The following RANBP2 variants were observed in gnomAD, a reference collection of about 807,000 sequenced individuals.
RANBP2 encodes RAN binding protein 2.
In RANBP2, 57 loss-of-function variants were observed where a neutral mutation model predicts 303.6. That is an observed-to-expected ratio of 0.19 (90% CI 0.15 to 0.23). The LOEUF (loss-of-function observed/expected upper bound fraction) is 0.23. Among genes scored for constraint, RANBP2 ranks in the 10% least tolerant of loss-of-function variants. The probability of loss-of-function intolerance (pLI) is 1.00; values close to 1 mark genes in which losing one functional copy is unlikely to be tolerated. For missense variants in RANBP2, 3,138 were observed against 3,780.8 expected (o/e 0.83, Z 4.46); for synonymous variants, 1,167 against 1,301.5 (o/e 0.90, Z 2.23).
the RANBP2 span, among the ~76,000 whole-genome samples, chr2:109,315,552 GGACC>G: frequency 2.0e-5 from 3 of 152,338 alleles, no homozygotes; most frequent in South Asian, 4.1e-4. Flanking sequence ...TAAGCAAAGG[GGACC>G]ATGTGTGCCT....
chr2:108,857,889 T>C, the RANBP2 span, among the ~76,000 whole-genome samples: 1 of 152,250 alleles, frequency 6.6e-6, no homozygotes, highest in Non-Finnish European at 1.5e-5. Flanking sequence ...ATGACAGAGA[T>C]GGCATCTTTC....
chr2:108,900,755 G>A, the RANBP2 span, among the ~76,000 whole-genome samples: 1 of 152,156 alleles, frequency 6.6e-6, no homozygotes, highest in Non-Finnish European at 1.5e-5. Flanking sequence ...AGAAGGCAGA[G>A]TGGCTATAAC....
chr2:108,981,214 C>T, the RANBP2 span, among the ~76,000 whole-genome samples: 3 of 152,288 alleles, frequency 2.0e-5, no homozygotes, highest in South Asian at 4.1e-4. Context: ...ACCACCAGCA[C>T]GGGAAGGGGC....
chr2:109,025,156 C>T, the RANBP2 span, among the ~76,000 whole-genome samples: 1 of 152,182 alleles, frequency 6.6e-6, no homozygotes, highest in Non-Finnish European at 1.5e-5. Flanking sequence ...GTTTTCAAGG[C>T]TTGCACATGT....
At chr2:109,598,685 A>G in the RANBP2 span, among the ~76,000 whole-genome samples, 68 of 152,024 alleles carry the variant, frequency 4.5e-4, no homozygotes, top group African/African-American at 1.6e-3. Context: ...TCTACTAAAA[A>G]TACAAAAATT....
the RANBP2 span, among the ~76,000 whole-genome samples, chr2:109,445,775 G>C: frequency 1.3e-5 from 2 of 152,156 alleles, no homozygotes; most frequent in Admixed American, 1.3e-4. Context: ...GCTTGGAGTT[G>C]TGGGAGTTCC....
At chr2:108,742,402 C>G (rs574679948) in intron 7 of RANBP2, among the ~76,000 whole-genome samples, 1 of 152,246 alleles carries the variant, frequency 6.6e-6, no homozygotes, top group South Asian at 2.1e-4. Context: ...CTCCTGGGTT[C>G]AAGTGATTCT....
chr2:109,606,496 T>C, the RANBP2 span, among the ~76,000 whole-genome samples: 1 of 152,154 alleles, frequency 6.6e-6, no homozygotes, highest in Non-Finnish European at 1.5e-5. Flanking sequence ...TCTGGTAGCA[T>C]TCAATTACCA....
the RANBP2 span, among the ~76,000 whole-genome samples, chr2:109,329,152 G>A: frequency 7.5e-3 from 1,147 of 152,128 alleles, 8 homozygotes; most frequent in Middle Eastern, 0.024. Context: ...GGTTTCTCTC[G>A]TGTGGTTTCT....
chr2:109,103,954 C>T, the RANBP2 span, among the ~76,000 whole-genome samples: 1 of 152,024 alleles, frequency 6.6e-6, no homozygotes, highest in Admixed American at 6.6e-5. Context: ...CCACCACACC[C>T]AGCTGATTTT....
the RANBP2 span, among the ~76,000 whole-genome samples, chr2:109,392,717 G>A: frequency 1.3e-5 from 2 of 151,940 alleles, no homozygotes; most frequent in African/African-American, 2.4e-5. Context: ...GGGTTTCACC[G>A]TGTTAGCCAG....
At chr2:109,426,971 T>C in the RANBP2 span, among the ~76,000 whole-genome samples, 2 of 107,852 alleles carry the variant, frequency 1.9e-5, no homozygotes, top group East Asian at 2.4e-4. Context: ...AAAATATATA[T>C]ATATATATTT....
chr2:109,304,796 G>A, the RANBP2 span, among the ~76,000 whole-genome samples: 5 of 152,266 alleles, frequency 3.3e-5, no homozygotes, highest in African/African-American at 1.2e-4. Flanking sequence ...AGCCCTGCCC[G>A]GGACAGCTGT....
chr2:109,031,892 AC>A, the RANBP2 span, among the ~76,000 whole-genome samples: 1 of 71,866 alleles, frequency 1.4e-5, no homozygotes, highest in South Asian at 5.0e-4. Context: ...GCTACCACCC[AC>A]CCCCCGCCAC....
the RANBP2 span, among the ~76,000 whole-genome samples, chr2:109,350,251 C>T: frequency 6.6e-6 from 1 of 152,194 alleles, no homozygotes; most frequent in African/African-American, 2.4e-5. Flanking sequence ...TGCCCAGGCT[C>T]TCTGGAAGGT....
the RANBP2 span, among the ~76,000 whole-genome samples, chr2:109,023,594 G>T: frequency 6.6e-6 from 1 of 152,096 alleles, no homozygotes; most frequent in African/African-American, 2.4e-5. Context: ...CTTGAGGCTA[G>T]GAATTTGAGA....
At chr2:108,730,522 A>T (rs548483028) in intron 2 of RANBP2, among the ~76,000 whole-genome samples, 2 of 152,308 alleles carry the variant, frequency 1.3e-5, no homozygotes, top group South Asian at 2.1e-4. Context: ...TTATGTGTGG[A>T]TAACACTGGA....
chr2:109,423,549 T>C, the RANBP2 span, among the ~76,000 whole-genome samples: 1 of 152,122 alleles, frequency 6.6e-6, no homozygotes, highest in Non-Finnish European at 1.5e-5. Flanking sequence ...GGTGCTGCAC[T>C]CAGCCTGCAA....
chr2:109,395,256 G>A, the RANBP2 span, among the ~76,000 whole-genome samples: 2 of 152,158 alleles, frequency 1.3e-5, no homozygotes, highest in African/African-American at 2.4e-5. Flanking sequence ...GTGTAGAGAT[G>A]CATCTGCCTG....
Sources: gnomAD v4.1 joint callset for allele counts (sites outside exome capture counted in the v4.1 genomes callset) on GRCh38, gnomAD v4.1.1 for gene constraint, MANE v1.5 for transcripts, NCBI Gene and HGNC (gene_info 2026-07-23, HGNC 2026-07-21) for gene names.